TRAPPC12: variants seen among roughly 807,000 people sequenced by gnomAD.
TRAPPC12 encodes the protein TPR repeat protein 15.
A neutral mutation model predicts 69.2 loss-of-function variants in TRAPPC12; 61 were observed. The ratio of observed to expected loss-of-function variants is 0.88; its 90% CI spans 0.72 to 1.09. TRAPPC12 has a LOEUF of 1.09. Ranked by LOEUF, TRAPPC12 falls within the 50% of genes least tolerant of loss-of-function variation. The pLI is 0.00. For synonymous variants in TRAPPC12, 469 were observed against 438.9 expected (o/e 1.07, Z -0.86); for missense variants, 1,101 against 1,016.4 (o/e 1.08, Z -1.13).
At chr2:3,464,208 C>T (rs1665677393) in intron 8 of TRAPPC12, among the ~76,000 whole-genome samples, 1 of 152,180 alleles carries the variant, frequency 6.6e-6, no homozygotes, top group Non-Finnish European at 1.5e-5. Flanking sequence ...CACACACATG[C>T]TCGCACTCGC....
At chr2:3,455,745 T>C (rs969646554) in intron 6 of TRAPPC12, 2 of 152,288 alleles carry the variant, frequency 1.3e-5, no homozygotes, top group African/African-American at 4.8e-5. Flanking sequence ...TTTATCCCCT[T>C]GTCTGCTGAT....
Position 3,457,681 on chromosome 2 carries a change from G to A in TRAPPC12, c.1591G>A (p.Glu531Lys). 12 of 1,611,260 alleles carry A rather than the reference G, an allele frequency of 7.4e-6. No individual in the cohort carries two copies. The highest frequency in any genetic ancestry group is 1.3e-5 in the African/African-American group (1 of 75,022). ...EDGGMSSVTQ[E>K]GRQASIRLWR... ...CGGCGGCATGAGCAGCGTGACTCAG[G>A]AGGGCAGACAAGGTGGGTCGGCCGG... Residue 531 changes from glutamate to lysine, a missense_variant, in exon 7 of 12, where the codon GAG (glutamate) becomes AAG (lysine). Coordinates refer to ENST00000324266, the MANE Select transcript of TRAPPC12 (RefSeq NM_016030.6).
intron 2 of TRAPPC12, 54 bp from the exon 3 acceptor site, chr2:3,401,723 T>A: frequency 7.9e-7 from 1 of 1,260,964 alleles, no homozygotes; most frequent in East Asian, 2.5e-5. Context: ...TCTGGTTAGC[T>A]GAGTTTAGTT....
chr2:3,458,164 C>G lies in TRAPPC12; in HGVS notation c.1603+471C>G, dbSNP rs956839677. ...GCAGGCTGAGGGACCTGGGCAGTTCCCTGGAGCATTGGAAACCCCTTGGGG... is the reference window on the plus strand; with the variant it reads ...GCAGGCTGAGGGACCTGGGCAGTTCGCTGGAGCATTGGAAACCCCTTGGGG... On this transcript the variant is annotated intron_variant, in intron 7 of 11. Transcript: ENST00000324266. 95 of 1,006,672 alleles carry G rather than the reference C, an allele frequency of 9.4e-5. No individual in the cohort carries two copies. In the African/African-American group the frequency reaches 1.5e-3, roughly 16 times the overall value. 62.4% of individuals were successfully genotyped at this position (1,006,672 alleles called of 1,614,324 possible).
At chr2:3,458,067 G>T (rs1416964117) in intron 7 of TRAPPC12, 3 of 1,035,602 alleles carry the variant, frequency 2.9e-6, no homozygotes. Context: ...GGGGACAGAG[G>T]CCTCTGCGTC....
chr2:3,387,587 G>A (rs936965734), intron 1 of TRAPPC12, 33 bp from the exon 2 acceptor site: 2 of 1,467,782 alleles, frequency 1.4e-6, no homozygotes, highest in African/African-American at 1.4e-5. Flanking sequence ...TGAAGATCAC[G>A]CTCAGGGGCC....
chr2:3,386,858 C>G (rs755586944), intron 1 of TRAPPC12, among the ~76,000 whole-genome samples: 3 of 152,092 alleles, frequency 2.0e-5, no homozygotes, highest in African/African-American at 2.4e-5. Flanking sequence ...ACTGGAATGG[C>G]TACTATGAAA....
At chr2:3,422,059 A>T in intron 4 of TRAPPC12, 65 bp downstream of exon 4, 1 of 1,258,170 alleles carries the variant, frequency 7.9e-7, no homozygotes, top group Non-Finnish European at 1.1e-6. Context: ...CATGGACAGG[A>T]CCATGGCCTT....
At chr2:3,382,296 G>A (rs1454599489) in intron 1 of TRAPPC12, among the ~76,000 whole-genome samples, 4 of 151,858 alleles carry the variant, frequency 2.6e-5, no homozygotes, top group African/African-American at 9.7e-5. Flanking sequence ...CACCATGCCT[G>A]GCTAATTTTT....
At chr2:3,430,952 G>C (rs960336661) in intron 5 of TRAPPC12, among the ~76,000 whole-genome samples, 3 of 152,046 alleles carry the variant, frequency 2.0e-5, no homozygotes, top group Non-Finnish European at 4.4e-5. Context: ...CTGTTGTTGG[G>C]ACCATCCACT....
intron 7 of TRAPPC12, 192 bp downstream of exon 7, chr2:3,457,885 G>T: frequency 7.0e-7 from 1 of 1,433,110 alleles, no homozygotes. Context: ...TGGGTGCAAC[G>T]TGCAGCCTCA....
At chr2:3,389,775 A>G (rs899863146) in intron 2 of TRAPPC12, 1 of 454,936 alleles carries the variant, frequency 2.2e-6, no homozygotes, top group African/African-American at 2.1e-5. Flanking sequence ...GCCGACAACC[A>G]GAGTGTGAGG....
At chr2:3,415,468 C>T (rs1409596256) in intron 3 of TRAPPC12, among the ~76,000 whole-genome samples, 3 of 151,426 alleles carry the variant, frequency 2.0e-5, no homozygotes, top group Non-Finnish European at 4.4e-5. Context: ...TGCAGTGGTG[C>T]GATCTCCGCT....
At chr2:3,460,820 T>G (rs1480818585) in intron 8 of TRAPPC12, 2 of 155,086 alleles carry the variant, frequency 1.3e-5, no homozygotes, top group African/African-American at 4.8e-5. Flanking sequence ...GGAGCTGAAC[T>G]GAGGCTGTCA....
At chr2:3,454,941 C>T (rs1420953108) in intron 6 of TRAPPC12, 2 of 152,568 alleles carry the variant, frequency 1.3e-5, no homozygotes, top group African/African-American at 4.8e-5. Context: ...ACAGAGACCT[C>T]GCCGCATAGA....
intron 5 of TRAPPC12, among the ~76,000 whole-genome samples, chr2:3,426,365 G>A (rs527443743): frequency 2.2e-4 from 34 of 152,350 alleles, no homozygotes; most frequent in African/African-American, 7.7e-4. Flanking sequence ...CTCGGACGTA[G>A]GACTCTGTGT....
At chr2:3,418,223 T>C (rs1395722425) in intron 3 of TRAPPC12, among the ~76,000 whole-genome samples, 1 of 152,122 alleles carries the variant, frequency 6.6e-6, no homozygotes, top group Admixed American at 6.5e-5. Context: ...TCTGCCACTC[T>C]GCACCATCAA....
intron 2 of TRAPPC12, among the ~76,000 whole-genome samples, chr2:3,397,791 A>G (rs1489893058): frequency 6.6e-6 from 1 of 152,184 alleles, no homozygotes; most frequent in Admixed American, 6.5e-5. Flanking sequence ...CATTGTTGTT[A>G]ATAATTTAGC....
chr2:3,434,395 C>G (rs1485238035), intron 5 of TRAPPC12, among the ~76,000 whole-genome samples: 1 of 152,176 alleles, frequency 6.6e-6, no homozygotes, highest in Non-Finnish European at 1.5e-5. Flanking sequence ...TTTTCTCTTT[C>G]ATATGAAGTT....
Sources: gnomAD v4.1 joint callset for allele counts (sites outside exome capture counted in the v4.1 genomes callset) on GRCh38, gnomAD v4.1.1 for gene constraint, MANE v1.5 for transcripts, NCBI Gene and HGNC (gene_info 2026-07-23, HGNC 2026-07-21) for gene names.